SGCZ: variants seen among roughly 807,000 people sequenced by gnomAD.
SGCZ encodes the protein zeta-sarcoglycan.
In SGCZ, 40 loss-of-function variants were observed where a neutral mutation model predicts 41.3. The ratio of observed to expected loss-of-function variants is 0.97; its 90% CI spans 0.75 to 1.26. The LOEUF (loss-of-function observed/expected upper bound fraction) is 1.26. Among genes scored for constraint, SGCZ ranks in the 50% most tolerant of loss-of-function variants. The pLI, the probability that SGCZ is intolerant of heterozygous loss-of-function variation, is 0.00. For missense variants in SGCZ, 552 were observed against 369.8 expected (o/e 1.49, Z -4.04); for synonymous variants, 206 against 137.5 (o/e 1.50, Z -3.49).
chr8:14,489,304 T>C (rs1188188327), intron 2 of SGCZ, among the ~76,000 whole-genome samples: 1 of 152,144 alleles, frequency 6.6e-6, no homozygotes, highest in Non-Finnish European at 1.5e-5. Flanking sequence ...ATTTGGCATA[T>C]TTCTTTCGGT....
intron 2 of SGCZ, among the ~76,000 whole-genome samples, chr8:14,417,879 G>A (rs1463214743): frequency 6.6e-6 from 1 of 151,572 alleles, no homozygotes; most frequent in African/African-American, 2.4e-5. Flanking sequence ...AATAAAGTTG[G>A]GAGAAAAAAG....
chr8:14,622,937 A>G (rs1439383538), intron 1 of SGCZ, among the ~76,000 whole-genome samples: 3 of 152,180 alleles, frequency 2.0e-5, no homozygotes, highest in African/African-American at 7.2e-5. Context: ...TCCTTTGTTC[A>G]AGCAAAACTC....
At chr8:14,315,239 G>A (rs899734120) in intron 3 of SGCZ, among the ~76,000 whole-genome samples, 14 of 152,130 alleles carry the variant, frequency 9.2e-5, no homozygotes, top group African/African-American at 3.4e-4. Context: ...TGACAGGATT[G>A]TTGTGAAATC....
rs539963740 is a variant in SGCZ, at chr8:14,208,543, T to C, written c.424+29049A>G. Among the ~76,000 whole-genome samples, 4 of 152,184 alleles carry C rather than the reference T, an allele frequency of 2.6e-5. 1 individual carries two copies. Among genetic ancestry groups the C allele is most frequent in the Admixed American group, 1.3e-4 (2 of 15,270 alleles). ...TGAAACATGAAAATACACAAAGATA[T>C]GTTCCTATCAAATTGTCAAAGTGGT... On this transcript the variant is annotated intron_variant, in intron 4 of 7. Transcript: ENST00000382080.
chr8:14,165,055 A>ATAAG (rs923864387), intron 4 of SGCZ: 3 of 244,326 alleles, frequency 1.2e-5, no homozygotes, highest in Admixed American at 1.0e-4. Flanking sequence ...TGGATGCTTA[A>ATAAG]TAAGTACTTG....
intron 1 of SGCZ, among the ~76,000 whole-genome samples, chr8:14,650,657 C>G (rs1053082584): frequency 1.3e-5 from 2 of 151,910 alleles, no homozygotes; most frequent in African/African-American, 4.8e-5. Context: ...AGCTTCAATT[C>G]TTAGCTGAGA....
chr8:14,201,984 C>A (rs1394983242), intron 4 of SGCZ, among the ~76,000 whole-genome samples: 1 of 152,076 alleles, frequency 6.6e-6, no homozygotes, highest in African/African-American at 2.4e-5. Flanking sequence ...CCATAATATG[C>A]AGAATAATGA....
At chr8:15,199,990 TG>T (rs1399064841) in intron 1 of SGCZ, among the ~76,000 whole-genome samples, 1 of 152,220 alleles carries the variant, frequency 6.6e-6, no homozygotes, top group Admixed American at 6.5e-5. Flanking sequence ...TCAGATTACA[TG>T]GCATATTTGT....
chr8:14,169,505 C>G (rs778648991), intron 4 of SGCZ, among the ~76,000 whole-genome samples: 1 of 152,094 alleles, frequency 6.6e-6, no homozygotes, highest in African/African-American at 2.4e-5. Context: ...ATCTGACACA[C>G]TTTCATTTAC....
chr8:14,206,003 A>G (rs1805602524), intron 4 of SGCZ, among the ~76,000 whole-genome samples: 1 of 152,118 alleles, frequency 6.6e-6, no homozygotes, highest in African/African-American at 2.4e-5. Context: ...CATAATTGAT[A>G]TTTAAACTCG....
intron 4 of SGCZ, among the ~76,000 whole-genome samples, chr8:14,202,641 T>C (rs910598706): frequency 2.0e-5 from 3 of 152,200 alleles, no homozygotes; most frequent in Non-Finnish European, 4.4e-5. Context: ...ATGTTTCCAT[T>C]GATCTCCTTT....
At chr8:14,402,232 G>A (rs904437393) in intron 2 of SGCZ, among the ~76,000 whole-genome samples, 1 of 151,522 alleles carries the variant, frequency 6.6e-6, no homozygotes, top group Non-Finnish European at 1.5e-5. Context: ...CTCCCATTTT[G>A]TAGGTTGCCT....
intron 1 of SGCZ, among the ~76,000 whole-genome samples, chr8:14,593,265 A>G (rs901865407): frequency 6.6e-6 from 1 of 152,196 alleles, no homozygotes; most frequent in Non-Finnish European, 1.5e-5. Context: ...GCAGATAGAC[A>G]ATGATGAGAG....
At chr8:15,170,421 A>T (rs1401650160) in intron 1 of SGCZ, among the ~76,000 whole-genome samples, 1 of 152,220 alleles carries the variant, frequency 6.6e-6, no homozygotes, top group Non-Finnish European at 1.5e-5. Flanking sequence ...CATCTAATAG[A>T]AAAATGGATA....
chr8:14,111,085 TA>T (rs5889518), intron 5 of SGCZ, among the ~76,000 whole-genome samples: 65,804 of 151,174 alleles, frequency 0.44, 14,814 homozygotes, highest in East Asian at 0.7. Flanking sequence ...CAACAAACTT[TA>T]AAAAAAAACT....
intron 7 of SGCZ, among the ~76,000 whole-genome samples, chr8:14,099,951 TC>T: frequency 1.7e-5 from 1 of 57,828 alleles, no homozygotes; most frequent in East Asian, 3.1e-4. Context: ...ATTTCATCCA[TC>T]ATTTCATCCA....
Position 14,202,951 on chromosome 8 carries a change from C to A in SGCZ, c.424+34641G>T, listed in dbSNP as rs116046355. Among the ~76,000 whole-genome samples, 489 of 152,220 alleles carry A rather than the reference C, an allele frequency of 3.2e-3. 5 individuals are homozygous for A. The highest frequency in any genetic ancestry group is 0.011 in the African/African-American group (465 of 41,534). On this transcript the variant is annotated intron_variant, in intron 4 of 7. Coordinates refer to ENST00000382080, the MANE Select transcript of SGCZ (RefSeq NM_139167.4). ...AGGTGATGGAATTATGGGGGCGGGT[C>A]TTTCCTGTGGTGTTCTCGTGATAGT...
At chr8:14,774,475 A>G (rs983113202) in intron 1 of SGCZ, among the ~76,000 whole-genome samples, 2 of 152,210 alleles carry the variant, frequency 1.3e-5, no homozygotes. Flanking sequence ...GTCCCCTACC[A>G]GATAGTAAAT....
chr8:15,133,867 C>G (rs1183358681), intron 1 of SGCZ, among the ~76,000 whole-genome samples: 1 of 152,122 alleles, frequency 6.6e-6, no homozygotes, highest in African/African-American at 2.4e-5. Flanking sequence ...AACCACTTAA[C>G]AATGATCCTT....
Sources: gnomAD v4.1 joint callset for allele counts (sites outside exome capture counted in the v4.1 genomes callset) on GRCh38, gnomAD v4.1.1 for gene constraint, MANE v1.5 for transcripts, NCBI Gene and HGNC (gene_info 2026-07-23, HGNC 2026-07-21) for gene names.